The following GRID1 variants were observed in gnomAD, a reference collection of about 807,000 sequenced individuals.
The protein encoded by GRID1 is glutamate receptor ionotropic, delta-1.
In GRID1, 28 loss-of-function variants were observed where a neutral mutation model predicts 98.0. That is an observed-to-expected ratio of 0.29 (90% CI 0.21 to 0.39). The LOEUF is 0.39. GRID1 is among the 10% of genes least tolerant of loss of function. The pLI, the probability that GRID1 is intolerant of heterozygous loss-of-function variation, is 1.00. For missense variants in GRID1, 1,111 were observed against 1,340.5 expected (o/e 0.83, Z 2.67); for synonymous variants, 553 against 538.5 (o/e 1.03, Z -0.37).
At chr10:86,166,816 T>G (rs1845406060) in intron 3 of GRID1, among the ~76,000 whole-genome samples, 1 of 152,226 alleles carries the variant, frequency 6.6e-6, no homozygotes, top group Non-Finnish European at 1.5e-5. Flanking sequence ...TTCCACACTA[T>G]TTGCGGCAGG....
At chr10:85,792,736 C>G (rs991359411) in intron 8 of GRID1, among the ~76,000 whole-genome samples, 1 of 152,188 alleles carries the variant, frequency 6.6e-6, no homozygotes, top group Admixed American at 6.5e-5. Context: ...AAGCTCGAAG[C>G]CTCTTCCTCC....
At chr10:85,747,001 G>C (rs1238839942) in intron 8 of GRID1, among the ~76,000 whole-genome samples, 1 of 152,046 alleles carries the variant, frequency 6.6e-6, no homozygotes. Flanking sequence ...CCATACAGTA[G>C]GTGAACTTGT....
intron 8 of GRID1, among the ~76,000 whole-genome samples, chr10:85,853,295 G>T (rs182829314): frequency 6.6e-6 from 1 of 152,286 alleles, no homozygotes; most frequent in Non-Finnish European, 1.5e-5. Flanking sequence ...TCCCTCCACT[G>T]CTTCTAGCCA....
At chr10:86,089,440 A>G (rs1589367408) in intron 4 of GRID1, among the ~76,000 whole-genome samples, 1 of 152,192 alleles carries the variant, frequency 6.6e-6, no homozygotes, top group East Asian at 1.9e-4. Flanking sequence ...CCAGAGTAGT[A>G]TCAGAAGAAA....
intron 12 of GRID1, among the ~76,000 whole-genome samples, chr10:85,712,389 C>A (rs886228422): frequency 6.6e-6 from 1 of 151,726 alleles, no homozygotes; most frequent in Admixed American, 6.6e-5. Flanking sequence ...TGTACATATA[C>A]ACATATGCAC....
intron 13 of GRID1, among the ~76,000 whole-genome samples, chr10:85,624,693 G>A (rs748228696): frequency 6.8e-4 from 104 of 152,268 alleles, no homozygotes; most frequent in Admixed American, 2.2e-3. Flanking sequence ...AAAAATGTGC[G>A]TAATCCTTCA....
chr10:85,676,465 A>T (rs1182087656), intron 12 of GRID1, among the ~76,000 whole-genome samples: 1 of 152,066 alleles, frequency 6.6e-6, no homozygotes, highest in African/African-American at 2.4e-5. Flanking sequence ...GCCTCACTCT[A>T]TTTCCCTCAT....
chr10:85,769,615 C>G (rs1272607798), intron 8 of GRID1, among the ~76,000 whole-genome samples: 3 of 152,310 alleles, frequency 2.0e-5, no homozygotes, highest in Admixed American at 2.0e-4. Context: ...CGGGTCACAC[C>G]CACCCCAATA....
chr10:86,263,142 T>A (rs1847044862), intron 2 of GRID1, among the ~76,000 whole-genome samples: 1 of 152,240 alleles, frequency 6.6e-6, no homozygotes, highest in Non-Finnish European at 1.5e-5. Flanking sequence ...ATAATGAGGC[T>A]TCTCACTACT....
At chr10:85,865,037 G>A (rs937979994) in intron 6 of GRID1, among the ~76,000 whole-genome samples, 5 of 152,166 alleles carry the variant, frequency 3.3e-5, no homozygotes, top group Non-Finnish European at 7.4e-5. Flanking sequence ...GACAGAGTAC[G>A]TTACAGATTC....
intron 2 of GRID1, among the ~76,000 whole-genome samples, chr10:86,293,305 T>A (rs1405332534): frequency 2.0e-5 from 3 of 152,224 alleles, no homozygotes; most frequent in Admixed American, 6.5e-5. Flanking sequence ...TACCTCCCCA[T>A]GTCTTTCCCT....
intron 4 of GRID1, among the ~76,000 whole-genome samples, chr10:85,959,755 C>G (rs1315383125): frequency 6.6e-6 from 1 of 152,172 alleles, no homozygotes; most frequent in Non-Finnish European, 1.5e-5. Flanking sequence ...GAGAACATCA[C>G]TATTTGTTTA....
chr10:85,687,500 C>T lies in GRID1; in HGVS notation c.1997+35503G>A, dbSNP rs191626478. Among the ~76,000 whole-genome samples, 23 of 152,148 alleles carry T rather than the reference C, an allele frequency of 1.5e-4. No homozygotes were observed. In the East Asian group the frequency reaches 2.5e-3, roughly 17 times the overall value. ...GTAACCAGGACCAGGCACGGTGGATCATGCCTGTCATCACAGCACTTTGGG... is the reference window on the plus strand; with the variant it reads ...GTAACCAGGACCAGGCACGGTGGATTATGCCTGTCATCACAGCACTTTGGG... On this transcript the variant is annotated intron_variant, in intron 12 of 15. Coordinates refer to ENST00000327946, the MANE Select transcript of GRID1 (RefSeq NM_017551.3).
chr10:85,989,772 C>T (rs1201012700), intron 4 of GRID1, among the ~76,000 whole-genome samples: 1 of 152,148 alleles, frequency 6.6e-6, no homozygotes, highest in East Asian at 1.9e-4. Context: ...GAAAAGAAAG[C>T]ATGATTTTCA....
chr10:86,048,726 C>T (rs1290883325), intron 4 of GRID1, among the ~76,000 whole-genome samples: 1 of 152,176 alleles, frequency 6.6e-6, no homozygotes, highest in African/African-American at 2.4e-5. Flanking sequence ...GGCTTAAAGC[C>T]ACACTCACTT....
chr10:85,633,632 T>A (rs1045474450), intron 13 of GRID1, among the ~76,000 whole-genome samples: 1 of 152,328 alleles, frequency 6.6e-6, no homozygotes, highest in East Asian at 1.9e-4. Context: ...GCTGGGAGAC[T>A]GTCTCCAGGG....
At chr10:86,237,981 C>T (rs1042029134) in intron 2 of GRID1, among the ~76,000 whole-genome samples, 5 of 152,076 alleles carry the variant, frequency 3.3e-5, no homozygotes, top group African/African-American at 1.2e-4. Context: ...AATGTAGAAG[C>T]GACTTTGGAA....
intron 13 of GRID1, chr10:85,646,111 A>AGTATGAGT (rs1843185898): frequency 6.7e-6 from 1 of 148,344 alleles, no homozygotes; most frequent in Non-Finnish European, 1.5e-5. Flanking sequence ...CACAGGGATG[A>AGTATGAGT]GTGTGTGTGT....
chr10:86,298,139 T>C (rs1406263624), intron 2 of GRID1, among the ~76,000 whole-genome samples: 1 of 152,114 alleles, frequency 6.6e-6, no homozygotes, highest in African/African-American at 2.4e-5. Flanking sequence ...CAGAAAACAA[T>C]CTAAACCTCT....
Sources: allele counts gnomAD v4.1 joint callset (sites outside exome capture counted in the v4.1 genomes callset), GRCh38; gene constraint gnomAD v4.1.1; transcripts MANE v1.5; gene names NCBI Gene and HGNC (gene_info 2026-07-23, HGNC 2026-07-21).